Variants in GALNT13 observed in about 807,000 individuals in gnomAD.
GALNT13 encodes the protein UDP-GalNAc:polypeptide N-acetylgalactosaminyltransferase 13.
Under a neutral mutation model 64.2 loss-of-function variants are expected in GALNT13, and 28 were observed. The observed-to-expected ratio is 0.44, with a 90% CI of 0.32 to 0.60. GALNT13 has a LOEUF of 0.60. Ranked by LOEUF, GALNT13 falls within the 20% of genes least tolerant of loss-of-function variation. The pLI, the probability that GALNT13 is intolerant of heterozygous loss-of-function variation, is 0.05. For synonymous variants in GALNT13, 214 were observed against 224.6 expected (o/e 0.95, Z 0.42); for missense variants, 577 against 669.8 (o/e 0.86, Z 1.53).
the GALNT13 span, among the ~76,000 whole-genome samples, chr2:153,499,131 G>A: frequency 7.9e-5 from 12 of 152,234 alleles, no homozygotes; most frequent in Admixed American, 5.2e-4. Flanking sequence ...GAATACAGGC[G>A]TGAGCCATTG....
the GALNT13 span, among the ~76,000 whole-genome samples, chr2:153,388,386 C>T: frequency 2.0e-5 from 3 of 152,058 alleles, no homozygotes; most frequent in East Asian, 5.8e-4. Context: ...ATTCCTCAGG[C>T]AGTGTCTCAT....
In GALNT13 at chr2:154,445,383, C is replaced by T. The variant is rs559452664; in HGVS notation, c.1531-5028C>T. Among the ~76,000 whole-genome samples the T allele has an allele frequency of 4.6e-5, 7 of 151,634 alleles. 1 individual carries two copies. Among genetic ancestry groups the T allele is most frequent in the African/African-American group, 1.7e-4 (7 of 41,408 alleles). ...TCTTCTATATTACAAACATAATTAACATCATTTACACTAATATCTTTGTTG... is the reference window on the plus strand; with the variant it reads ...TCTTCTATATTACAAACATAATTAATATCATTTACACTAATATCTTTGTTG... On this transcript the variant is annotated intron_variant, in intron 12 of 12. Coordinates refer to ENST00000392825, the MANE Select transcript of GALNT13 (RefSeq NM_052917.4).
chr2:153,800,681 A>G, the GALNT13 span, among the ~76,000 whole-genome samples: 1 of 152,288 alleles, frequency 6.6e-6, no homozygotes, highest in East Asian at 1.9e-4. Context: ...AACCTAACTC[A>G]AGAAACCGCT....
At chr2:153,540,005 C>T in the GALNT13 span, among the ~76,000 whole-genome samples, 43,321 of 152,114 alleles carry the variant, frequency 0.28, 6,464 homozygotes, top group South Asian at 0.45. Flanking sequence ...GAAACGTGCA[C>T]AAGTAATGAG....
At chr2:154,266,899 A>G (rs2105914494) in intron 8 of GALNT13, among the ~76,000 whole-genome samples, 1 of 151,946 alleles carries the variant, frequency 6.6e-6, no homozygotes, top group East Asian at 1.9e-4. Flanking sequence ...TATAATAGCT[A>G]AAAATGCATT....
the GALNT13 span, among the ~76,000 whole-genome samples, chr2:153,630,805 A>AT: frequency 1.9e-3 from 28 of 15,000 alleles, 1 homozygote; most frequent in Non-Finnish European, 2.9e-3. Flanking sequence ...ATATATATAT[A>AT]TATTTTTTTT....
intron 9 of GALNT13, among the ~76,000 whole-genome samples, chr2:154,364,642 GTTGTTTTGTT>G (rs10618298): frequency 0.099 from 14,882 of 149,610 alleles, 807 homozygotes; most frequent in East Asian, 0.18. Context: ...CTTCACTTTT[GTTGTTTTGTT>G]TTGTTTTGTT....
At chr2:153,869,447 A>T (rs1011820215), upstream of GALNT13, among the ~76,000 whole-genome samples, 1 of 152,172 alleles carries the variant, frequency 6.6e-6, no homozygotes, top group Non-Finnish European at 1.5e-5. Flanking sequence ...CTTTCATCAC[A>T]GTGACATTTT....
At chr2:153,293,834 T>C in the GALNT13 span, among the ~76,000 whole-genome samples, 10 of 151,900 alleles carry the variant, frequency 6.6e-5, 1 homozygote, top group African/African-American at 2.2e-4. Context: ...ACTCTGTATC[T>C]AGGCTGAAGT....
intron 4 of GALNT13, among the ~76,000 whole-genome samples, chr2:154,141,381 C>A (rs1683250200): frequency 6.6e-6 from 1 of 152,046 alleles, no homozygotes; most frequent in Non-Finnish European, 1.5e-5. Context: ...TTAATACTTA[C>A]CTTAAAACAC....
At chr2:153,618,649 G>A in the GALNT13 span, among the ~76,000 whole-genome samples, 1 of 151,518 alleles carries the variant, frequency 6.6e-6, no homozygotes, top group African/African-American at 2.4e-5. Context: ...ATTGTTTTGG[G>A]GTCTCTCTCT....
At chr2:153,530,739 C>A in the GALNT13 span, among the ~76,000 whole-genome samples, 1 of 152,084 alleles carries the variant, frequency 6.6e-6, no homozygotes, top group East Asian at 1.9e-4. Flanking sequence ...AATCCACACA[C>A]CTACAGTAAA....
chr2:153,813,429 A>T, the GALNT13 span, among the ~76,000 whole-genome samples: 17 of 152,216 alleles, frequency 1.1e-4, no homozygotes, highest in Non-Finnish European at 1.3e-4. Context: ...GTAGCCATGC[A>T]GCTATAGGTC....
At chr2:153,510,342 G>T in the GALNT13 span, among the ~76,000 whole-genome samples, 1 of 152,036 alleles carries the variant, frequency 6.6e-6, no homozygotes, top group Non-Finnish European at 1.5e-5. Context: ...ATAAGCTACG[G>T]CCAGAATCTT....
the GALNT13 span, among the ~76,000 whole-genome samples, chr2:153,236,761 G>T: frequency 1.3e-5 from 2 of 152,090 alleles, no homozygotes; most frequent in Non-Finnish European, 2.9e-5. Context: ...TGTGTTTCTT[G>T]TCTGCTAACA....
At chr2:154,358,535 C>T (rs951424108) in intron 9 of GALNT13, among the ~76,000 whole-genome samples, 2 of 151,932 alleles carry the variant, frequency 1.3e-5, no homozygotes, top group African/African-American at 4.8e-5. Flanking sequence ...TTTGAAGTTT[C>T]TATGTAATAT....
intron 4 of GALNT13, among the ~76,000 whole-genome samples, chr2:154,160,569 T>TA (rs955595406): frequency 1.8e-4 from 28 of 152,042 alleles, no homozygotes; most frequent in Admixed American, 3.9e-4. Flanking sequence ...CTCCAAACAT[T>TA]AAAAAAAACC....
At chr2:153,530,656 T>C in the GALNT13 span, among the ~76,000 whole-genome samples, 1 of 151,948 alleles carries the variant, frequency 6.6e-6, no homozygotes, top group Admixed American at 6.6e-5. Flanking sequence ...AGCATGGTAC[T>C]GGCAACAAAA....
the GALNT13 span, among the ~76,000 whole-genome samples, chr2:153,677,280 GACATACACACAC>G: frequency 3.5e-5 from 4 of 114,370 alleles, no homozygotes; most frequent in Non-Finnish European, 5.3e-5. Context: ...ATTCACAATA[GACATACACACAC>G]ACACACACAC....
Sources: allele counts gnomAD v4.1 joint callset (sites outside exome capture counted in the v4.1 genomes callset), GRCh38; gene constraint gnomAD v4.1.1; transcripts MANE v1.5; gene names NCBI Gene and HGNC (gene_info 2026-07-23, HGNC 2026-07-21).